The following MAD1L1 variants were observed in gnomAD, a reference collection of about 807,000 sequenced individuals.
The protein encoded by MAD1L1 is mitotic arrest deficient 1 like 1.
Under a neutral mutation model 96.9 loss-of-function variants are expected in MAD1L1, and 95 were observed. That is an observed-to-expected ratio of 0.98 (90% confidence interval 0.83 to 1.16). MAD1L1 has a LOEUF of 1.16. Ranked by LOEUF, MAD1L1 falls within the 50% of genes most tolerant of loss-of-function variation. MAD1L1 has a pLI of 0.00. For missense variants in MAD1L1, 1,007 were observed against 954.4 expected, an observed-to-expected ratio of 1.06 and a Z score of -0.73; for synonymous variants, 473 against 396.6, an observed-to-expected ratio of 1.19 and a Z score of -2.29.
At chr7:1,827,877 G>C (rs1344930767) in intron 18 of MAD1L1, among the ~76,000 whole-genome samples, 3 of 152,148 alleles carry the variant, frequency 2.0e-5, no homozygotes, top group Non-Finnish European at 4.4e-5. Flanking sequence ...GAACAGGAGA[G>C]GACGTCAGCG....
At chr7:1,897,817 C>T (rs1410812981) in intron 18 of MAD1L1, among the ~76,000 whole-genome samples, 1 of 152,228 alleles carries the variant, frequency 6.6e-6, no homozygotes, top group Non-Finnish European at 1.5e-5. Flanking sequence ...TCTTGGAAGG[C>T]GTCCCCTGCC....
chr7:1,916,527 A>C (rs1195024355), intron 17 of MAD1L1, among the ~76,000 whole-genome samples: 1 of 152,116 alleles, frequency 6.6e-6, no homozygotes, highest in Non-Finnish European at 1.5e-5. Context: ...AGCATGAGGC[A>C]TGGCGGGGGA....
chr7:1,989,754 C>A (rs958016149), intron 14 of MAD1L1, among the ~76,000 whole-genome samples: 1 of 152,218 alleles, frequency 6.6e-6, no homozygotes, highest in East Asian at 1.9e-4. Flanking sequence ...TCAGCCCCAG[C>A]GTGGCCCGGC....
intron 7 of MAD1L1, among the ~76,000 whole-genome samples, chr7:2,217,609 CCTGA>C (rs1793361662): frequency 6.6e-6 from 1 of 152,214 alleles, no homozygotes; most frequent in Non-Finnish European, 1.5e-5. Flanking sequence ...AGTCAGATGC[CCTGA>C]CTGAGACCCA....
intron 18 of MAD1L1, 111 bp from the exon 19 acceptor site, chr7:1,816,339 G>A: frequency 2.7e-6 from 3 of 1,099,678 alleles, no homozygotes; most frequent in East Asian, 2.4e-5. Flanking sequence ...CTCAGTCTGA[G>A]GACCTGGACA....
intron 4 of MAD1L1, among the ~76,000 whole-genome samples, chr7:2,224,877 C>T (rs936328231): frequency 2.6e-5 from 4 of 152,172 alleles, no homozygotes; most frequent in Non-Finnish European, 5.9e-5. Flanking sequence ...TTGCTAGGGC[C>T]CTCCAACCCC....
chr7:1,847,493 A>T (rs1282781191), intron 18 of MAD1L1: 2 of 471,076 alleles, frequency 4.2e-6, no homozygotes, highest in South Asian at 3.1e-5. Flanking sequence ...CTGGGCGGCC[A>T]CTGCAGGGGA....
intron 12 of MAD1L1, among the ~76,000 whole-genome samples, chr7:2,022,840 T>C (rs1034537664): frequency 6.6e-6 from 1 of 152,074 alleles, no homozygotes; most frequent in East Asian, 1.9e-4. Context: ...AAACACACTT[T>C]GAAAGGAAAG....
At chr7:2,093,161 C>T (rs1163429954) in intron 11 of MAD1L1, among the ~76,000 whole-genome samples, 2 of 145,916 alleles carry the variant, frequency 1.4e-5, no homozygotes, top group African/African-American at 2.6e-5. Context: ...GGAAGAATCG[C>T]TTAAACCCAG....
chr7:2,038,562 G>A (rs1783544256), intron 12 of MAD1L1, among the ~76,000 whole-genome samples: 1 of 138,864 alleles, frequency 7.2e-6, no homozygotes, highest in Non-Finnish European at 1.5e-5. Flanking sequence ...ACCCAGGCTG[G>A]AGCACGGTGG....
intron 18 of MAD1L1, among the ~76,000 whole-genome samples, chr7:1,869,069 C>T (rs1044415822): frequency 6.6e-6 from 1 of 152,190 alleles, no homozygotes; most frequent in Non-Finnish European, 1.5e-5. Context: ...GCAACTGGTC[C>T]AGGCCACACG....
At position 2,111,020 on chromosome 7, in the gene MAD1L1, C is replaced by T. The variant is rs145253378; in HGVS notation, c.1073+38132G>A. ...TGTACACAAGTGAGGGGAGGAAGAA[C>T]GGATCAGGAAGCAGCAGGGTACAAA... is the stretch of plus-strand genomic sequence containing the variant. On this transcript the variant is annotated intron_variant, in intron 11 of 18. Coordinates refer to ENST00000265854, the MANE Select transcript of MAD1L1 (RefSeq NM_001013836.2). 7.9e-4 allele frequency among the ~76,000 whole-genome samples: 120 copies of T among 152,294 alleles called. No homozygotes were observed. The East Asian group carries it at 0.011, about 13-fold the overall frequency.
At chr7:2,084,310 C>G (rs1380455706) in intron 11 of MAD1L1, among the ~76,000 whole-genome samples, 4 of 152,260 alleles carry the variant, frequency 2.6e-5, no homozygotes, top group Admixed American at 1.3e-4. Context: ...GTGGCCGGAC[C>G]CGCCACAGAG....
At chr7:2,078,108 C>T (rs1171787132) in intron 11 of MAD1L1, among the ~76,000 whole-genome samples, 1 of 152,202 alleles carries the variant, frequency 6.6e-6, no homozygotes, top group Non-Finnish European at 1.5e-5. Flanking sequence ...CATCGAAGCC[C>T]CCAGCTCCGG....
intron 15 of MAD1L1, among the ~76,000 whole-genome samples, chr7:1,959,297 A>G (rs1193160167): frequency 6.6e-6 from 1 of 152,184 alleles, no homozygotes; most frequent in Non-Finnish European, 1.5e-5. Context: ...AGATTCCTGA[A>G]AAATGAAAAG....
intron 6 of MAD1L1, 58 bp from the exon 7 acceptor site, chr7:2,218,101 C>T: frequency 7.4e-7 from 1 of 1,353,374 alleles, no homozygotes; most frequent in Non-Finnish European, 1.1e-6. Context: ...GCCAACAATT[C>T]TCCTCAGCCT....
intron 17 of MAD1L1, among the ~76,000 whole-genome samples, chr7:1,904,345 A>C (rs1383777046): frequency 1.4e-5 from 1 of 72,740 alleles, no homozygotes; most frequent in Non-Finnish European, 2.6e-5. Context: ...TCCAGGCAGC[A>C]AGGATGCAGT....
intron 10 of MAD1L1, among the ~76,000 whole-genome samples, chr7:2,197,670 C>T (rs938807057): frequency 9.8e-5 from 15 of 152,324 alleles, no homozygotes; most frequent in African/African-American, 1.9e-4. Context: ...CCTCCAGACT[C>T]GGGCCAGCTG....
chr7:1,995,260 G>A (rs1215832871), intron 14 of MAD1L1, among the ~76,000 whole-genome samples: 1 of 152,230 alleles, frequency 6.6e-6, no homozygotes, highest in African/African-American at 2.4e-5. Flanking sequence ...CTGGACGCAG[G>A]GAAACCTGAG....
Sources: gnomAD v4.1 joint callset for allele counts (sites outside exome capture counted in the v4.1 genomes callset) on GRCh38, gnomAD v4.1.1 for gene constraint, MANE v1.5 for transcripts, NCBI Gene and HGNC (gene_info 2026-07-23, HGNC 2026-07-21) for gene names.